The following DMD variants were observed in gnomAD, a reference collection of about 807,000 sequenced individuals.
DMD encodes the protein mutant dystrophin.
In DMD, 63 loss-of-function variants were observed where a neutral mutation model predicts 330.1. The ratio of observed to expected loss-of-function variants is 0.19; its 90% CI spans 0.16 to 0.24. DMD has a LOEUF of 0.24. Ranked by LOEUF, DMD falls within the 10% of genes least tolerant of loss-of-function variation. The pLI is 1.00. For synonymous variants in DMD, 1,223 were observed against 959.8 expected, an observed-to-expected ratio of 1.27 and a Z score of -5.07; for missense variants, 3,344 against 2,684.1, an observed-to-expected ratio of 1.25 and a Z score of -5.43.
At chrX:32,021,431 TG>T (rs756302097) in intron 44 of DMD, among the ~76,000 whole-genome samples, 1 of 111,927 alleles carries the variant, frequency 8.9e-6, no homozygotes, top group African/African-American at 3.2e-5. Flanking sequence ...CTTTTGGCTC[TG>T]GGGGGAAGGA....
intron 9 of DMD, among the ~76,000 whole-genome samples, chrX:32,658,367 C>A (rs896658149): frequency 1.8e-5 from 2 of 111,035 alleles, no homozygotes; most frequent in African/African-American, 6.5e-5. Context: ...CTGTAAAGGG[C>A]TAGATAATAG....
chrX:31,415,468 A>G (rs7886117), intron 60 of DMD, among the ~76,000 whole-genome samples: 28,645 of 111,062 alleles, frequency 0.26, 4,646 homozygotes, highest in African/African-American at 0.59. Flanking sequence ...ACCTGCCATT[A>G]CTATGGAGTC....
chrX:31,729,887 T>C (rs750492832), intron 51 of DMD, 139 bp from the exon 52 acceptor site: 31 of 487,459 alleles, frequency 6.4e-5, no homozygotes, highest in Non-Finnish European at 1.1e-4. Flanking sequence ...TAAGGGTTTA[T>C]AGAAAACAAT....
At chrX:32,758,421 C>A (rs1363252239) in intron 7 of DMD, among the ~76,000 whole-genome samples, 2 of 111,439 alleles carry the variant, frequency 1.8e-5, no homozygotes, top group African/African-American at 6.5e-5. Flanking sequence ...CATTTTGGTA[C>A]CTCTCTACAG....
At chrX:31,247,267 TAGAC>T (rs1264040003) in intron 63 of DMD, among the ~76,000 whole-genome samples, 1 of 111,395 alleles carries the variant, frequency 9.0e-6, no homozygotes. Flanking sequence ...TAGCTTGACA[TAGAC>T]AGTGATTCCT....
At chrX:32,092,724 C>CTT (rs11315047) in intron 44 of DMD, among the ~76,000 whole-genome samples, 537 of 39,668 alleles carry the variant, frequency 0.014, 15 homozygotes, top group African/African-American at 0.02. Context: ...GTTATTTTCA[C>CTT]TTTTTTTTTT....
At chrX:31,914,446 C>T in intron 47 of DMD, among the ~76,000 whole-genome samples, 1 of 112,117 alleles carries the variant, frequency 8.9e-6, no homozygotes, top group East Asian at 2.8e-4. Context: ...TTTATTGCAG[C>T]TCTATTCACA....
At chrX:31,723,862 T>C (rs952053791) in intron 52 of DMD, among the ~76,000 whole-genome samples, 1 of 111,557 alleles carries the variant, frequency 9.0e-6, no homozygotes, top group Non-Finnish European at 1.9e-5. Flanking sequence ...CTCCTCTAGT[T>C]TTCTCTCAAC....
At chrX:32,754,370 C>T in intron 7 of DMD, among the ~76,000 whole-genome samples, 1 of 110,157 alleles carries the variant, frequency 9.1e-6, no homozygotes, top group East Asian at 2.9e-4. Flanking sequence ...AGATCTCAGA[C>T]TTTTACCACT....
chrX:32,759,179 A>G lies in DMD; in HGVS notation c.649+50314T>C, dbSNP rs189044545. ...AATTTACTACTTCACAAATAATTTT[A>G]CTTCAGACCTATTGAACTATTTTGG... On this transcript the variant is annotated intron_variant, in intron 7 of 78. Transcript: ENST00000357033. 1.1e-4 allele frequency among the ~76,000 whole-genome samples: 12 copies of G among 112,123 alleles called. No individual in the cohort carries two copies. The East Asian group carries it at 2.5e-3, about 24-fold the overall frequency.
chrX:31,648,974 G>C (rs73617092), intron 54 of DMD, among the ~76,000 whole-genome samples: 2,796 of 110,563 alleles, frequency 0.025, 91 homozygotes, highest in African/African-American at 0.087. Flanking sequence ...TATTTTTATT[G>C]AATGTTTTAA....
chrX:32,085,207 G>C (rs565728160), intron 44 of DMD, among the ~76,000 whole-genome samples: 1 of 111,172 alleles, frequency 9.0e-6, no homozygotes, highest in Non-Finnish European at 1.9e-5. Flanking sequence ...CTTATTTTAA[G>C]TGTAAGTTAT....
intron 2 of DMD, among the ~76,000 whole-genome samples, chrX:32,991,132 T>A (rs1391292789): frequency 9.0e-6 from 1 of 111,411 alleles, no homozygotes; most frequent in African/African-American, 3.2e-5. Context: ...TTTCTTCTAC[T>A]TCAAAATTAT....
At chrX:31,130,099 A>G (rs1013869487) in intron 77 of DMD, among the ~76,000 whole-genome samples, 1 of 111,547 alleles carries the variant, frequency 9.0e-6, no homozygotes, top group Non-Finnish European at 1.9e-5. Context: ...CTTGGCTCCT[A>G]TTATTCATTC....
chrX:32,615,328 C>G (rs2057479179), intron 11 of DMD, among the ~76,000 whole-genome samples: 1 of 111,469 alleles, frequency 9.0e-6, no homozygotes, highest in Non-Finnish European at 1.9e-5. Context: ...CCTAGGTTCA[C>G]AGCCCAGCGG....
chrX:31,523,462 C>T (rs770632809), intron 55 of DMD, among the ~76,000 whole-genome samples: 1 of 111,516 alleles, frequency 9.0e-6, no homozygotes, highest in South Asian at 3.9e-4. Context: ...TGTGATTTTA[C>T]TTATTTAGTT....
rs2061732521 is a variant in DMD at position 32,673,083 on chromosome X, C to CTTG, written c.960+24786_960+24787insCAA. 5.4e-5 allele frequency among the ~76,000 whole-genome samples: 6 copies of CTTG among 111,062 alleles called. No individual in the cohort carries two copies. The South Asian group carries it at 2.2e-3, about 42-fold the overall frequency. ...TGTGCGTGTGTGTGTCTGCATATTT[C>CTTG]AAGTTTTCTTGAGAAGAGTTTTCCA... On this transcript the variant is annotated intron_variant, in intron 9 of 78. Transcript: ENST00000357033.
chrX:31,558,132 G>A (rs1268608069), intron 55 of DMD, among the ~76,000 whole-genome samples: 1 of 112,114 alleles, frequency 8.9e-6, no homozygotes, highest in African/African-American at 3.2e-5. Context: ...ATAACATTAG[G>A]GTGGAATGAA....
chrX:31,364,360 C>T (rs1202101116), intron 60 of DMD, among the ~76,000 whole-genome samples: 2 of 111,859 alleles, frequency 1.8e-5, no homozygotes, highest in African/African-American at 3.2e-5. Flanking sequence ...TTTAAGCTCT[C>T]GGGTCAGAGT....
Sources: allele counts gnomAD v4.1 joint callset (sites outside exome capture counted in the v4.1 genomes callset), GRCh38; gene constraint gnomAD v4.1.1; transcripts MANE v1.5; gene names NCBI Gene and HGNC (gene_info 2026-07-23, HGNC 2026-07-21).